CRY1: variants seen among roughly 807,000 people sequenced by gnomAD.
CRY1 encodes the protein cryptochrome-1.
A neutral mutation model predicts 76.0 loss-of-function variants in CRY1; 45 were observed. The ratio of observed to expected loss-of-function variants is 0.59; its 90% CI spans 0.47 to 0.76. The LOEUF (loss-of-function observed/expected upper bound fraction) is 0.76, where lower values mean the gene tolerates loss of function less well. Among genes scored for constraint, CRY1 ranks in the 30% least tolerant of loss-of-function variants. The pLI is 0.00. For missense variants in CRY1, 587 were observed against 716.4 expected (o/e 0.82, Z 2.06); for synonymous variants, 248 against 244.0 (o/e 1.02, Z -0.15).
chr12:107,014,055 A>G (rs1952472601), intron 2 of CRY1, among the ~76,000 whole-genome samples: 1 of 152,154 alleles, frequency 6.6e-6, no homozygotes, highest in Non-Finnish European at 1.5e-5. Context: ...TGAATAAAAA[A>G]CTTAACAAAA....
At chr12:107,036,165 A>G (rs1404593720) in intron 1 of CRY1, among the ~76,000 whole-genome samples, 1 of 152,196 alleles carries the variant, frequency 6.6e-6, no homozygotes, top group African/African-American at 2.4e-5. Context: ...TCCTCACACA[A>G]TTCATTGGCC....
At chr12:107,076,439 C>A (rs1415915868) in intron 1 of CRY1, among the ~76,000 whole-genome samples, 2 of 151,720 alleles carry the variant, frequency 1.3e-5, no homozygotes, top group South Asian at 2.1e-4. Flanking sequence ...GGTGAAACTC[C>A]ATCTCTACTA....
intron 2 of CRY1, 22 bp from the exon 3 acceptor site, chr12:107,005,270 C>A (rs775033271): frequency 3.8e-6 from 6 of 1,568,560 alleles, no homozygotes; most frequent in Non-Finnish European, 5.2e-6. Flanking sequence ...GAAAGGGGAA[C>A]AATGTACACC....
chr12:107,071,468 T>C (rs577538857), intron 1 of CRY1, among the ~76,000 whole-genome samples: 8 of 152,350 alleles, frequency 5.3e-5, no homozygotes, highest in African/African-American at 1.9e-4. Context: ...TGTATCCTAT[T>C]TGATAATTCT....
intron 1 of CRY1, among the ~76,000 whole-genome samples, chr12:107,081,070 T>C (rs1052482785): frequency 6.6e-6 from 1 of 152,084 alleles, no homozygotes; most frequent in African/African-American, 2.4e-5. Flanking sequence ...GAAACTCGTT[T>C]TGAAAAGAGA....
chr12:107,016,126 A>G (rs1178460180), intron 2 of CRY1, among the ~76,000 whole-genome samples: 3 of 152,220 alleles, frequency 2.0e-5, no homozygotes, highest in Admixed American at 2.0e-4. Flanking sequence ...GCTGGCCAAC[A>G]TGGTGAAACC....
chr12:107,024,546 T>A (rs1343684945), intron 1 of CRY1, among the ~76,000 whole-genome samples: 2 of 152,130 alleles, frequency 1.3e-5, no homozygotes, highest in Non-Finnish European at 2.9e-5. Flanking sequence ...CCAGCTAATT[T>A]TTGTAGTTTT....
At chr12:107,053,233 T>C (rs1952943327) in intron 1 of CRY1, among the ~76,000 whole-genome samples, 1 of 152,070 alleles carries the variant, frequency 6.6e-6, no homozygotes, top group South Asian at 2.1e-4. Context: ...AAAAGACATT[T>C]TTAAAAATGA....
chr12:107,038,991 G>A (rs1365226784), intron 1 of CRY1, among the ~76,000 whole-genome samples: 1 of 152,128 alleles, frequency 6.6e-6, no homozygotes, highest in Non-Finnish European at 1.5e-5. Flanking sequence ...GGGCGTGGTG[G>A]TGCATGCCTG....
At chr12:107,030,952 G>C (rs149661941) in intron 1 of CRY1, among the ~76,000 whole-genome samples, 12 of 152,120 alleles carry the variant, frequency 7.9e-5, no homozygotes, top group Non-Finnish European at 1.6e-4. Context: ...CCTGGGGACT[G>C]TAAGTATTAT....
intron 1 of CRY1, among the ~76,000 whole-genome samples, chr12:107,023,432 G>A (rs2136846948): frequency 6.6e-6 from 1 of 152,318 alleles, no homozygotes; most frequent in African/African-American, 2.4e-5. Flanking sequence ...TATAGCTACA[G>A]AACATTTCCA....
rs368744314 is a variant in CRY1 at position 107,022,196 on chromosome 12, G to C, written c.159-4C>G. Reference sequence around the variant, plus strand: ...CTCAAGACACTGAAGCAAAAATCTAGAGAGAAGAAAGTATTATTTAAATTA... The same window carrying C: ...CTCAAGACACTGAAGCAAAAATCTACAGAGAAGAAAGTATTATTTAAATTA... On this transcript the variant is annotated splice_polypyrimidine_tract_variant and splice_region_variant and intron_variant, in intron 1 of 12. Coordinates refer to ENST00000008527, the MANE Select transcript of CRY1 (RefSeq NM_004075.5). 4 of 1,500,192 alleles carry C rather than the reference G, an allele frequency of 2.7e-6. No homozygotes were observed. In the South Asian group the frequency reaches 3.8e-5, roughly 14 times the overall value. The allele number at this position is 1,500,192 out of a possible 1,614,324, so 92.9% of individuals were successfully genotyped here.
At chr12:107,083,843 G>T (rs1953360882) in intron 1 of CRY1, among the ~76,000 whole-genome samples, 1 of 152,120 alleles carries the variant, frequency 6.6e-6, no homozygotes, top group Non-Finnish European at 1.5e-5. Context: ...TCTGGCCAGG[G>T]CAATCAGGCA....
At chr12:107,048,359 C>T (rs983908827) in intron 1 of CRY1, among the ~76,000 whole-genome samples, 34 of 152,158 alleles carry the variant, frequency 2.2e-4, no homozygotes, top group Non-Finnish European at 4.3e-4. Flanking sequence ...GGATTACAGG[C>T]GTGCGCTACT....
At chr12:107,002,371 A>G (rs1952322431) in intron 3 of CRY1, among the ~76,000 whole-genome samples, 1 of 152,228 alleles carries the variant, frequency 6.6e-6, no homozygotes, top group African/African-American at 2.4e-5. Flanking sequence ...TAATTATATG[A>G]AAGAGTAATC....
In CRY1 at chr12:107,019,883, C is replaced by T. The variant is rs539190833; in HGVS notation, c.267+2201G>A. ...GCAATGAGCTACAATGGCACCACTG[C>T]ACTACAGTCAGGGCAACAGAGCGAA... On this transcript the variant is annotated intron_variant, in intron 2 of 12. Transcript: ENST00000008527. 6.6e-5 allele frequency among the ~76,000 whole-genome samples: 10 copies of T among 152,124 alleles called. No homozygotes were observed. The South Asian group carries it at 1.2e-3, about 19-fold the overall frequency.
At chr12:106,999,079 T>C (rs538198772) in intron 7 of CRY1, among the ~76,000 whole-genome samples, 2 of 151,482 alleles carry the variant, frequency 1.3e-5, no homozygotes, top group East Asian at 1.9e-4. Flanking sequence ...CTAAGTCTTA[T>C]TACGTGTAAT....
chr12:107,006,375 C>CA (rs556688637), intron 2 of CRY1, among the ~76,000 whole-genome samples: 461 of 142,336 alleles, frequency 3.2e-3, no homozygotes, highest in Non-Finnish European at 4.8e-3. Context: ...GGCTCCATCT[C>CA]AAAAAAAAAA....
chr12:107,020,403 C>T (rs2136842773), intron 2 of CRY1, among the ~76,000 whole-genome samples: 1 of 152,236 alleles, frequency 6.6e-6, no homozygotes, highest in South Asian at 2.1e-4. Context: ...TATGTCCTCA[C>T]CCAAATCTCA....
Sources: gnomAD v4.1 joint callset for allele counts (sites outside exome capture counted in the v4.1 genomes callset) on GRCh38, gnomAD v4.1.1 for gene constraint, MANE v1.5 for transcripts, NCBI Gene and HGNC (gene_info 2026-07-23, HGNC 2026-07-21) for gene names.